The following TGFBRAP1 variants were observed in gnomAD, a reference collection of about 807,000 sequenced individuals.
TGFBRAP1 encodes the protein transforming growth factor beta receptor associated protein 1.
In TGFBRAP1, 20 loss-of-function variants were observed where a neutral mutation model predicts 83.2. The ratio of observed to expected loss-of-function variants is 0.24; its 90% confidence interval spans 0.17 to 0.35. The LOEUF (loss-of-function observed/expected upper bound fraction) is 0.35. Ranked by LOEUF, TGFBRAP1 falls within the 10% of genes least tolerant of loss-of-function variation. The pLI, the probability that TGFBRAP1 is intolerant of heterozygous loss-of-function variation, is 1.00. For missense variants in TGFBRAP1, 950 were observed against 1,099.4 expected (o/e 0.86, Z 1.92); for synonymous variants, 415 against 459.8 (o/e 0.90, Z 1.25).
chr2:105,276,595 G>C (rs1677357378), intron 7 of TGFBRAP1, among the ~76,000 whole-genome samples: 2 of 152,214 alleles, frequency 1.3e-5, no homozygotes, highest in South Asian at 2.1e-4. Flanking sequence ...ACCACGTATG[G>C]AGATTTATCC....
intron 1 of TGFBRAP1, among the ~76,000 whole-genome samples, chr2:105,316,011 T>TA (rs1313895370): frequency 1.3e-5 from 2 of 152,052 alleles, no homozygotes; most frequent in East Asian, 3.8e-4. Flanking sequence ...TACTTAGAAA[T>TA]AAAAAGAAGT....
chr2:105,300,232 A>G (rs1032498479), intron 2 of TGFBRAP1, among the ~76,000 whole-genome samples: 3 of 152,138 alleles, frequency 2.0e-5, no homozygotes, highest in South Asian at 2.1e-4. Flanking sequence ...GAATCTGTAT[A>G]TAGGTACTGT....
At chr2:105,314,409 C>A (rs1318622120) in intron 1 of TGFBRAP1, among the ~76,000 whole-genome samples, 1 of 151,644 alleles carries the variant, frequency 6.6e-6, no homozygotes, top group Admixed American at 6.6e-5. Flanking sequence ...TGCCACCACG[C>A]CTGGCTAATT....
chr2:105,316,304 T>A (rs1678851807), intron 1 of TGFBRAP1, among the ~76,000 whole-genome samples: 1 of 151,722 alleles, frequency 6.6e-6, no homozygotes, highest in Non-Finnish European at 1.5e-5. Context: ...GCCTTTATGT[T>A]CTGTGTATTT....
At chr2:105,279,620 A>AGAGGCGGAGCTTGCAGTGAGCTGAG in intron 6 of TGFBRAP1, among the ~76,000 whole-genome samples, 1 of 151,042 alleles carries the variant, frequency 6.6e-6, no homozygotes, top group East Asian at 1.9e-4. Context: ...CCTCCCTTTG[A>AGAGGCGGAGCTTGCAGTGAGCTGAG]ATCTGTTTAT....
chr2:105,321,342 A>G (rs2104418693), intron 1 of TGFBRAP1, among the ~76,000 whole-genome samples: 1 of 151,598 alleles, frequency 6.6e-6, no homozygotes, highest in Admixed American at 6.6e-5. Context: ...AATTTTTTGT[A>G]TTTTTAGTAA....
At chr2:105,257,891 A>G in the TGFBRAP1 span, among the ~76,000 whole-genome samples, 1 of 152,086 alleles carries the variant, frequency 6.6e-6, no homozygotes, top group African/African-American at 2.4e-5. Flanking sequence ...CTTTGCCAAG[A>G]CCTGTTGGTT....
chr2:105,278,069 TGTGTG>T (rs961429280), intron 6 of TGFBRAP1, among the ~76,000 whole-genome samples: 25 of 6,584 alleles, frequency 3.8e-3, no homozygotes, highest in African/African-American at 0.017. Flanking sequence ...AAAAAATATA[TGTGTG>T]TGTGTGTGTG....
At chr2:105,301,266 T>C (rs1678281308) in intron 2 of TGFBRAP1, among the ~76,000 whole-genome samples, 1 of 151,792 alleles carries the variant, frequency 6.6e-6, no homozygotes, top group African/African-American at 2.4e-5. Flanking sequence ...TAAAATTGAA[T>C]GTATTCCTTA....
chr2:105,264,314 T>C (rs1024737380), downstream of TGFBRAP1: 3 of 152,138 alleles, frequency 2.0e-5, no homozygotes, highest in African/African-American at 2.4e-5. Flanking sequence ...ATTTAAGGGG[T>C]TGGCAACTCA....
chr2:105,287,249 T>C (rs1368938960), intron 4 of TGFBRAP1, among the ~76,000 whole-genome samples: 3 of 152,098 alleles, frequency 2.0e-5, no homozygotes, highest in Admixed American at 6.6e-5. Context: ...CGTTTCTGCC[T>C]GGGAAGATGA....
At chr2:105,282,345 T>C (rs1401950121) in intron 5 of TGFBRAP1, among the ~76,000 whole-genome samples, 1 of 152,348 alleles carries the variant, frequency 6.6e-6, no homozygotes, top group East Asian at 1.9e-4. Flanking sequence ...AGGTTATGTA[T>C]GATCAATTTT....
Position 105,268,017 on chromosome 2 carries a change from TGGTTGG to T in TGFBRAP1, c.2407-464_2407-459del, listed in dbSNP as rs1677002180. The T allele has an allele frequency of 9.0e-6, 4 of 445,196 alleles. No individual in the cohort carries two copies. In the South Asian group the frequency reaches 3.8e-4, roughly 42 times the overall value. 27.6% of individuals were successfully genotyped at this position (445,196 alleles called of 1,614,324 possible). On this transcript the variant is annotated intron_variant, in intron 11 of 11. Coordinates refer to ENST00000393359, the MANE Select transcript of TGFBRAP1 (RefSeq NM_004257.6). The stretch of plus-strand genomic sequence containing the variant: ...ACACAGCTAACAAGTGGCATATTCC[TGGTTGG>T]TCCTGGGAGACACCCTTCCGTTTCC...
At chr2:105,322,825 C>T (rs1679107269) in intron 1 of TGFBRAP1, among the ~76,000 whole-genome samples, 1 of 152,162 alleles carries the variant, frequency 6.6e-6, no homozygotes, top group African/African-American at 2.4e-5. Context: ...TTAACTGATG[C>T]ATGACTGTAT....
At chr2:105,287,455 G>A (rs1677758242) in intron 4 of TGFBRAP1, among the ~76,000 whole-genome samples, 1 of 152,136 alleles carries the variant, frequency 6.6e-6, no homozygotes, top group Non-Finnish European at 1.5e-5. Flanking sequence ...GGCTTCTCAT[G>A]TCTGTGGTGA....
At chr2:105,259,530 C>T (rs1440122925), downstream of TGFBRAP1, among the ~76,000 whole-genome samples, 1 of 152,164 alleles carries the variant, frequency 6.6e-6, no homozygotes, top group Non-Finnish European at 1.5e-5. Flanking sequence ...AGGGGCATGA[C>T]TAGAGATCTG....
At chr2:105,286,259 A>C (rs1378027315) in intron 4 of TGFBRAP1, among the ~76,000 whole-genome samples, 1 of 152,234 alleles carries the variant, frequency 6.6e-6, no homozygotes, top group African/African-American at 2.4e-5. Flanking sequence ...GGATGTAAGC[A>C]TCATGGATGC....
At chr2:105,256,254 G>C in the TGFBRAP1 span, among the ~76,000 whole-genome samples, 7 of 152,136 alleles carry the variant, frequency 4.6e-5, no homozygotes, top group African/African-American at 1.7e-4. Flanking sequence ...TTAGAACCAG[G>C]AGAAAGCCTC....
chr2:105,287,308 A>G (rs1442656234), intron 4 of TGFBRAP1, among the ~76,000 whole-genome samples: 5 of 152,090 alleles, frequency 3.3e-5, no homozygotes, highest in Non-Finnish European at 5.9e-5. Context: ...TGGTGAATAC[A>G]CTCAATGCCA....
Sources: allele counts gnomAD v4.1 joint callset (sites outside exome capture counted in the v4.1 genomes callset), GRCh38; gene constraint gnomAD v4.1.1; transcripts MANE v1.5; gene names NCBI Gene and HGNC (gene_info 2026-07-23, HGNC 2026-07-21).